The following PDE4D variants were observed in gnomAD, a reference collection of about 807,000 sequenced individuals.
The protein encoded by PDE4D is phosphodiesterase 4D.
In PDE4D, 24 loss-of-function variants were observed where a neutral mutation model predicts 87.4. That is an observed-to-expected ratio of 0.27 (90% CI 0.20 to 0.39). The LOEUF (loss-of-function observed/expected upper bound fraction) is 0.39, where lower values mean the gene tolerates loss of function less well. Ranked by LOEUF, PDE4D falls within the 10% of genes least tolerant of loss-of-function variation. PDE4D has a pLI of 1.00. For synonymous variants in PDE4D, 384 were observed against 383.2 expected (o/e 1.00, Z -0.02); for missense variants, 714 against 1,041.0 (o/e 0.69, Z 4.32).
chr5:59,286,337 AC>A (rs746875541), intron 1 of PDE4D, among the ~76,000 whole-genome samples: 5 of 152,198 alleles, frequency 3.3e-5, no homozygotes, highest in Non-Finnish European at 7.4e-5. Context: ...AGTCAAGAAA[AC>A]TGAGGTCTAC....
Position 58,974,688 on chromosome 5 carries a change from T to TA in PDE4D, c.2405dup (p.Asp803ArgfsTer2). 1 of 1,599,364 alleles carries TA rather than the reference T, an allele frequency of 6.3e-7. No individual in the cohort carries two copies. The highest frequency in any genetic ancestry group is 8.5e-7 in the Non-Finnish European group (1 of 1,171,756). On this transcript the variant is annotated frameshift_variant, in exon 15 of 15. Transcript: ENST00000340635. LOFTEE classifies it high-confidence loss of function. ...GTTACGTGTCAGGAGAACGATCATCTATGACACAGGCTTCAGGCTGGCTTT... is the reference window on the plus strand; with the variant it reads ...GTTACGTGTCAGGAGAACGATCATCTAATGACACAGGCTTCAGGCTGGCTTT...
intron 2 of PDE4D, among the ~76,000 whole-genome samples, chr5:60,078,809 C>T (rs1196520840): frequency 6.6e-6 from 1 of 152,142 alleles, no homozygotes; most frequent in African/African-American, 2.4e-5. Context: ...GGTTTGGTTC[C>T]ATGTCTTTGC....
intron 1 of PDE4D, among the ~76,000 whole-genome samples, chr5:60,259,393 T>A (rs1749414696): frequency 6.6e-6 from 1 of 152,026 alleles, no homozygotes; most frequent in South Asian, 2.1e-4. Context: ...ACTTCTCCAA[T>A]TAATAATTTC....
intron 1 of PDE4D, among the ~76,000 whole-genome samples, chr5:59,549,727 C>CTA (rs1196400091): frequency 6.6e-6 from 1 of 151,978 alleles, no homozygotes; most frequent in Admixed American, 6.6e-5. Context: ...TGAGAAAGCG[C>CTA]TATATATATA....
At chr5:60,463,671 G>A (rs1026878507) in intron 1 of PDE4D, among the ~76,000 whole-genome samples, 2 of 152,210 alleles carry the variant, frequency 1.3e-5, no homozygotes, top group African/African-American at 4.8e-5. Flanking sequence ...CCAGCATGCA[G>A]TCATGCCCTC....
intron 1 of PDE4D, among the ~76,000 whole-genome samples, chr5:59,774,848 C>A (rs1763926685): frequency 6.6e-6 from 1 of 151,978 alleles, no homozygotes; most frequent in South Asian, 2.1e-4. Flanking sequence ...GCACCAACCA[C>A]CATGCCGGGC....
At position 60,223,959 on chromosome 5, in the gene PDE4D, T is replaced by C. The variant is rs530073709; in HGVS notation, c.-89-38272A>G. The stretch of plus-strand genomic sequence containing the variant: ...AAGGTTCCTCACCATCCCCCCTTTT[T>C]CCTGGGTAGTGTCTAAGACTTAGAG... On this transcript the variant is annotated intron_variant, in intron 1 of 16. Transcript: ENST00000502484. Among the ~76,000 whole-genome samples, 118 of 152,184 alleles carry C rather than the reference T, an allele frequency of 7.8e-4. 2 individuals are homozygous for C. The highest frequency in any genetic ancestry group is 2.7e-3 in the African/African-American group (112 of 41,554).
intron 6 of PDE4D, among the ~76,000 whole-genome samples, chr5:59,006,363 G>A (rs1751615929): frequency 2.6e-5 from 4 of 152,094 alleles, no homozygotes; most frequent in East Asian, 1.9e-4. Flanking sequence ...CCAGGAGGTC[G>A]AGACCAGCCT....
intron 2 of PDE4D, among the ~76,000 whole-genome samples, chr5:60,139,414 C>T (rs1780327138): frequency 6.6e-6 from 1 of 152,046 alleles, no homozygotes; most frequent in African/African-American, 2.4e-5. Context: ...TAATCATATA[C>T]AGTAGTTTCA....
chr5:60,319,661 G>A (rs899601193), intron 1 of PDE4D, among the ~76,000 whole-genome samples: 3 of 152,124 alleles, frequency 2.0e-5, no homozygotes, highest in Admixed American at 2.0e-4. Context: ...ATGAGGTTTT[G>A]GTGTGGATGT....
chr5:60,519,950 G>C (rs1236605922), intron 1 of PDE4D, among the ~76,000 whole-genome samples: 2 of 152,122 alleles, frequency 1.3e-5, no homozygotes, highest in Admixed American at 6.5e-5. Flanking sequence ...GGAGTAAATG[G>C]ATTTAAAACC....
intron 1 of PDE4D, 81 bp from the exon 2 acceptor site, chr5:59,216,049 G>A: frequency 3.2e-6 from 3 of 940,644 alleles, no homozygotes; most frequent in East Asian, 5.3e-5. Flanking sequence ...CGTCAGCTGA[G>A]GAACTGACAG....
intron 1 of PDE4D, among the ~76,000 whole-genome samples, chr5:59,219,998 G>C (rs1289341007): frequency 6.6e-6 from 1 of 152,066 alleles, no homozygotes; most frequent in Non-Finnish European, 1.5e-5. Flanking sequence ...TTAAAGAATA[G>C]TGGGGACCTA....
At chr5:59,096,811 T>A (rs1453625337) in intron 5 of PDE4D, among the ~76,000 whole-genome samples, 1 of 152,200 alleles carries the variant, frequency 6.6e-6, no homozygotes, top group Non-Finnish European at 1.5e-5. Flanking sequence ...AAACAGTATC[T>A]ATGGTCTACC....
chr5:59,539,802 C>G (rs1208437533), intron 1 of PDE4D, among the ~76,000 whole-genome samples: 1 of 152,004 alleles, frequency 6.6e-6, no homozygotes, highest in East Asian at 1.9e-4. Context: ...AAATAGAATT[C>G]TGCTAAAACA....
At chr5:59,502,466 A>G (rs1808455615) in intron 1 of PDE4D, among the ~76,000 whole-genome samples, 1 of 152,184 alleles carries the variant, frequency 6.6e-6, no homozygotes, top group Non-Finnish European at 1.5e-5. Context: ...AATTTCTTCC[A>G]TATTCTTCTA....
intron 1 of PDE4D, among the ~76,000 whole-genome samples, chr5:60,399,490 C>T (rs1740852364): frequency 6.6e-6 from 1 of 152,226 alleles, no homozygotes; most frequent in Admixed American, 6.5e-5. Context: ...AAGCCCCTTC[C>T]ATTACAGCAG....
At chr5:59,882,702 C>T (rs1459086115) in intron 1 of PDE4D, among the ~76,000 whole-genome samples, 2 of 151,258 alleles carry the variant, frequency 1.3e-5, no homozygotes, top group African/African-American at 2.4e-5. Context: ...TTATAAATAT[C>T]GAGACAATGG....
At chr5:59,626,953 C>G (rs931998868) in intron 1 of PDE4D, among the ~76,000 whole-genome samples, 1 of 152,038 alleles carries the variant, frequency 6.6e-6, no homozygotes, top group Admixed American at 6.6e-5. Flanking sequence ...CTCTATAATC[C>G]TCCAATTATA....
Sources: gnomAD v4.1 joint callset for allele counts (sites outside exome capture counted in the v4.1 genomes callset) on GRCh38, gnomAD v4.1.1 for gene constraint, MANE v1.5 for transcripts, NCBI Gene and HGNC (gene_info 2026-07-23, HGNC 2026-07-21) for gene names.